The following RBMS3 variants were observed in gnomAD, a reference collection of about 807,000 sequenced individuals.
RBMS3 encodes the protein RNA binding motif single stranded interacting protein 3.
A neutral mutation model predicts 66.8 loss-of-function variants in RBMS3; 27 were observed. That is an observed-to-expected ratio of 0.40 (90% CI 0.30 to 0.56). RBMS3 has a LOEUF of 0.56. Among genes scored for constraint, RBMS3 ranks in the 20% least tolerant of loss-of-function variants. The pLI is 0.40. For missense variants in RBMS3, 513 were observed against 549.5 expected, an observed-to-expected ratio of 0.93 and a Z score of 0.66; for synonymous variants, 188 against 183.0, an observed-to-expected ratio of 1.03 and a Z score of -0.22.
intron 6 of RBMS3, among the ~76,000 whole-genome samples, chr3:29,829,735 C>T (rs1278885528): frequency 6.6e-6 from 1 of 152,112 alleles, no homozygotes. Flanking sequence ...TATCACATTC[C>T]CTATTTCAAT....
chr3:29,988,076 GTAT>G, intron 12 of RBMS3, 64 bp from the exon 13 acceptor site: 40 of 1,280,130 alleles, frequency 3.1e-5, no homozygotes, highest in Non-Finnish European at 4.4e-5. Flanking sequence ...GTCTCCTGTG[GTAT>G]TTAATAATTT....
chr3:29,508,731 G>C (rs149040250), intron 3 of RBMS3, among the ~76,000 whole-genome samples: 2 of 151,590 alleles, frequency 1.3e-5, no homozygotes, highest in Non-Finnish European at 2.9e-5. Flanking sequence ...GGGATTACTG[G>C]GTCAAATGGT....
intron 1 of RBMS3, among the ~76,000 whole-genome samples, chr3:29,290,335 C>G (rs1446645489): frequency 6.6e-6 from 1 of 151,880 alleles, no homozygotes; most frequent in African/African-American, 2.4e-5. Context: ...TTAATCTCAT[C>G]TCCATCTTTA....
At chr3:29,751,484 T>C (rs1326552067) in intron 5 of RBMS3, among the ~76,000 whole-genome samples, 1 of 152,188 alleles carries the variant, frequency 6.6e-6, no homozygotes, top group Admixed American at 6.5e-5. Flanking sequence ...GAAAAACATA[T>C]AAATAATTTC....
intron 6 of RBMS3, among the ~76,000 whole-genome samples, chr3:29,839,098 T>G (rs1359253642): frequency 6.6e-6 from 1 of 152,176 alleles, no homozygotes; most frequent in Non-Finnish European, 1.5e-5. Context: ...GGATTGTTAA[T>G]ACATTTTTCA....
chr3:29,524,850 T>A (rs776017488), intron 3 of RBMS3, among the ~76,000 whole-genome samples: 2 of 152,034 alleles, frequency 1.3e-5, no homozygotes, highest in Non-Finnish European at 2.9e-5. Flanking sequence ...CCTAGCAGTT[T>A]TGGACTAGCC....
chr3:29,868,819 G>A (rs2059420313), intron 6 of RBMS3, 39 bp from the exon 7 acceptor site: 1 of 1,494,376 alleles, frequency 6.7e-7, no homozygotes, highest in South Asian at 1.2e-5. Flanking sequence ...GTTTTTAAGG[G>A]GGAGTTGTTA....
intron 1 of RBMS3, among the ~76,000 whole-genome samples, chr3:29,328,623 T>C: frequency 6.6e-6 from 1 of 152,154 alleles, no homozygotes; most frequent in East Asian, 1.9e-4. Flanking sequence ...GCCTAGAAAA[T>C]TGTTCTCTCT....
At chr3:29,996,594 A>G (rs1209098979) in intron 14 of RBMS3, among the ~76,000 whole-genome samples, 10 of 150,272 alleles carry the variant, frequency 6.7e-5, no homozygotes, top group African/African-American at 2.0e-4. Context: ...CAATCAAACT[A>G]GAACTCAGGA....
chr3:29,810,791 G>A (rs1389997229), intron 6 of RBMS3, among the ~76,000 whole-genome samples: 1 of 152,032 alleles, frequency 6.6e-6, no homozygotes, highest in African/African-American at 2.4e-5. Context: ...CCAAGTAACA[G>A]GTTCATGATA....
At chr3:29,488,188 T>C (rs1006729834) in intron 2 of RBMS3, among the ~76,000 whole-genome samples, 2 of 152,178 alleles carry the variant, frequency 1.3e-5, no homozygotes, top group African/African-American at 4.8e-5. Flanking sequence ...CATGTGATCC[T>C]CTTTTGGCTG....
rs1326354614 is a variant in RBMS3, at chr3:29,490,060, A to AAAG, written c.307+1563_307+1564insGAA. Among the ~76,000 whole-genome samples, 592 of 150,820 alleles carry AAAG rather than the reference A, an allele frequency of 3.9e-3. 4 individuals carry two copies. Among genetic ancestry groups the AAAG allele is most frequent in the African/African-American group, 0.013 (551 of 41,184 alleles). On this transcript the variant is annotated intron_variant, in intron 3 of 14. Transcript: ENST00000383767. ...TCCCTCTCAAAAAAAAAAAAAAAAA[A>AAAG]AAAAAGTACCAGTGAGGACAGAAAC...
At chr3:29,552,978 G>A (rs1428905858) in intron 3 of RBMS3, among the ~76,000 whole-genome samples, 4 of 152,112 alleles carry the variant, frequency 2.6e-5, no homozygotes, top group African/African-American at 9.7e-5. Flanking sequence ...CCCTGGGTAG[G>A]TTAACTTACT....
chr3:29,459,664 G>A (rs1438443033), intron 2 of RBMS3, among the ~76,000 whole-genome samples: 1 of 152,176 alleles, frequency 6.6e-6, no homozygotes, highest in Non-Finnish European at 1.5e-5. Flanking sequence ...AGCCCATGAG[G>A]ACCCTAGAGG....
intron 10 of RBMS3, among the ~76,000 whole-genome samples, chr3:29,929,669 A>G (rs1355739104): frequency 6.6e-6 from 1 of 152,128 alleles, no homozygotes; most frequent in Non-Finnish European, 1.5e-5. Context: ...GAGTACAAGG[A>G]AAAAAATGCT....
At chr3:29,831,059 G>A (rs2058357920) in intron 6 of RBMS3, among the ~76,000 whole-genome samples, 1 of 152,128 alleles carries the variant, frequency 6.6e-6, no homozygotes, top group South Asian at 2.1e-4. Context: ...TCAGGGATCT[G>A]AGAAATAAAT....
At chr3:29,542,006 C>T (rs1206721455) in intron 3 of RBMS3, among the ~76,000 whole-genome samples, 1 of 152,172 alleles carries the variant, frequency 6.6e-6, no homozygotes, top group Non-Finnish European at 1.5e-5. Context: ...TCTTTTTCCC[C>T]TTGAAAATTA....
At chr3:29,936,439 A>G (rs2061267315) in intron 11 of RBMS3, among the ~76,000 whole-genome samples, 1 of 152,098 alleles carries the variant, frequency 6.6e-6, no homozygotes, top group African/African-American at 2.4e-5. Context: ...TTTATGGTAC[A>G]ATGTACCAGA....
intron 4 of RBMS3, among the ~76,000 whole-genome samples, chr3:29,631,307 G>A (rs2049273620): frequency 6.6e-6 from 1 of 151,658 alleles, no homozygotes; most frequent in Non-Finnish European, 1.5e-5. Flanking sequence ...AGTTATATTT[G>A]TTCTTTTATT....
Sources: allele counts gnomAD v4.1 joint callset (sites outside exome capture counted in the v4.1 genomes callset), GRCh38; gene constraint gnomAD v4.1.1; transcripts MANE v1.5; gene names NCBI Gene and HGNC (gene_info 2026-07-23, HGNC 2026-07-21).